The following SAMD12 variants were observed in gnomAD, a reference collection of about 807,000 sequenced individuals.
The protein encoded by SAMD12 is sterile alpha motif domain-containing protein 12.
Under a neutral mutation model 15.0 loss-of-function variants are expected in SAMD12, and 9 were observed. That is an observed-to-expected ratio of 0.60 (90% CI 0.36 to 1.05). The LOEUF (loss-of-function observed/expected upper bound fraction) is 1.05, where lower values mean the gene tolerates loss of function less well. SAMD12 is among the 50% of genes least tolerant of loss of function. The probability of loss-of-function intolerance (pLI) is 0.01; values close to 1 mark genes in which losing one functional copy is unlikely to be tolerated. For missense variants in SAMD12, 230 were observed against 234.2 expected, an observed-to-expected ratio of 0.98 and a Z score of 0.12; for synonymous variants, 86 against 90.1, an observed-to-expected ratio of 0.96 and a Z score of 0.25.
chr8:118,566,098 T>G (rs1407236974), intron 2 of SAMD12, among the ~76,000 whole-genome samples: 1 of 152,218 alleles, frequency 6.6e-6, no homozygotes, highest in African/African-American at 2.4e-5. Context: ...TTCATTGATC[T>G]TCCATTGCAC....
chr8:118,596,897 T>C (rs978853431), intron 1 of SAMD12, among the ~76,000 whole-genome samples: 2 of 152,104 alleles, frequency 1.3e-5, no homozygotes, highest in Non-Finnish European at 2.9e-5. Context: ...ACACAGAGCA[T>C]TGACAGGCTT....
At chr8:118,172,022 G>T in the SAMD12 span, among the ~76,000 whole-genome samples, 5 of 152,022 alleles carry the variant, frequency 3.3e-5, no homozygotes, top group Admixed American at 1.3e-4. Context: ...ACCAAACACT[G>T]CATGTTCTCA....
chr8:118,596,898 T>C (rs1392215889), intron 1 of SAMD12, among the ~76,000 whole-genome samples: 4 of 152,162 alleles, frequency 2.6e-5, no homozygotes, highest in African/African-American at 9.7e-5. Context: ...CACAGAGCAT[T>C]GACAGGCTTG....
chr8:118,491,242 C>G (rs973466055), intron 2 of SAMD12, among the ~76,000 whole-genome samples: 1 of 152,178 alleles, frequency 6.6e-6, no homozygotes, highest in Non-Finnish European at 1.5e-5. Context: ...GCTCTTTCAT[C>G]TAAGTCATTC....
chr8:118,213,291 T>C (rs1281233348), intron 4 of SAMD12, among the ~76,000 whole-genome samples: 2 of 152,156 alleles, frequency 1.3e-5, no homozygotes, highest in Non-Finnish European at 2.9e-5. Context: ...AGAAATTTCT[T>C]TGTGTCTGTT....
At chr8:118,266,974 G>T (rs2130090310) in intron 4 of SAMD12, among the ~76,000 whole-genome samples, 1 of 152,184 alleles carries the variant, frequency 6.6e-6, no homozygotes, top group South Asian at 2.1e-4. Context: ...TGCTAAGAAA[G>T]TATATTTTAA....
chr8:118,385,331 A>C (rs936639427), intron 3 of SAMD12, among the ~76,000 whole-genome samples: 1 of 152,152 alleles, frequency 6.6e-6, no homozygotes, highest in Admixed American at 6.5e-5. Context: ...TTTCTAGACT[A>C]AGAGAGAATT....
At chr8:118,188,990 T>C (rs1443466077), downstream of SAMD12, among the ~76,000 whole-genome samples, 1 of 152,164 alleles carries the variant, frequency 6.6e-6, no homozygotes, top group Admixed American at 6.6e-5. Flanking sequence ...CTTAGAGAGA[T>C]GGAGCAGGAG....
chr8:118,570,109 C>T (rs1433665004), intron 2 of SAMD12, among the ~76,000 whole-genome samples: 1 of 152,078 alleles, frequency 6.6e-6, no homozygotes, highest in African/African-American at 2.4e-5. Flanking sequence ...CACCAGGGAC[C>T]CTGAATAGAG....
the SAMD12 span, among the ~76,000 whole-genome samples, chr8:118,158,478 C>T: frequency 3.9e-5 from 6 of 152,228 alleles, no homozygotes; most frequent in African/African-American, 1.4e-4. Flanking sequence ...GGTAGGACCC[C>T]TGCTTTTCCA....
At chr8:118,474,462 C>T (rs181651866) in intron 2 of SAMD12, among the ~76,000 whole-genome samples, 83 of 152,144 alleles carry the variant, frequency 5.5e-4, no homozygotes, top group African/African-American at 1.9e-3. Context: ...CTCACTGTAA[C>T]CTCCACCTCC....
intron 2 of SAMD12, among the ~76,000 whole-genome samples, chr8:118,560,706 C>T (rs1826677226): frequency 6.6e-6 from 1 of 151,616 alleles, no homozygotes; most frequent in African/African-American, 2.4e-5. Flanking sequence ...TATAATAATT[C>T]CTATTTTAGG....
chr8:118,216,962 C>T (rs1236831532), intron 4 of SAMD12, among the ~76,000 whole-genome samples: 1 of 152,102 alleles, frequency 6.6e-6, no homozygotes, highest in Non-Finnish European at 1.5e-5. Flanking sequence ...TCAGTTTTTC[C>T]TCTCCGCATT....
At chr8:118,550,139 C>T (rs1186193458) in intron 2 of SAMD12, among the ~76,000 whole-genome samples, 1 of 152,154 alleles carries the variant, frequency 6.6e-6, no homozygotes, top group Non-Finnish European at 1.5e-5. Context: ...CCCAACCCAG[C>T]AAGGCAGGCC....
intron 2 of SAMD12, among the ~76,000 whole-genome samples, chr8:118,485,885 T>C (rs545488261): frequency 6.6e-5 from 10 of 152,192 alleles, no homozygotes; most frequent in Non-Finnish European, 1.3e-4. Flanking sequence ...CACTATGGGA[T>C]AGAATTGAAC....
At chr8:118,555,355 T>C (rs1826496501) in intron 2 of SAMD12, among the ~76,000 whole-genome samples, 12 of 152,224 alleles carry the variant, frequency 7.9e-5, no homozygotes, top group Admixed American at 7.9e-4. Context: ...TTTCTCATGG[T>C]ATTTTTCTCT....
At chr8:118,429,737 T>C (rs528302014) in intron 3 of SAMD12, among the ~76,000 whole-genome samples, 1 of 152,162 alleles carries the variant, frequency 6.6e-6, no homozygotes, top group South Asian at 2.1e-4. Flanking sequence ...CTACTAAAAA[T>C]ACAAAAATTA....
intron 3 of SAMD12, among the ~76,000 whole-genome samples, chr8:118,404,842 A>T (rs1821049919): frequency 6.6e-6 from 1 of 151,810 alleles, no homozygotes; most frequent in Admixed American, 6.6e-5. Context: ...TATTATTTTT[A>T]AGAGACAGGG....
chr8:118,558,199 CAAG>C (rs1310913406), intron 2 of SAMD12, among the ~76,000 whole-genome samples: 1 of 152,140 alleles, frequency 6.6e-6, no homozygotes, highest in African/African-American at 2.4e-5. Flanking sequence ...CTTGTATGCA[CAAG>C]AAGAATGTAT....
Sources: allele counts gnomAD v4.1 joint callset (sites outside exome capture counted in the v4.1 genomes callset), GRCh38; gene constraint gnomAD v4.1.1; transcripts MANE v1.5; gene names NCBI Gene and HGNC (gene_info 2026-07-23, HGNC 2026-07-21).